The following ARHGAP28 variants were observed in gnomAD, a reference collection of about 807,000 sequenced individuals.
ARHGAP28 encodes the protein rho GTPase-activating protein 28.
Under a neutral mutation model 90.7 loss-of-function variants are expected in ARHGAP28, and 56 were observed. The ratio of observed to expected loss-of-function variants is 0.62; its 90% CI spans 0.50 to 0.77. ARHGAP28 has a LOEUF of 0.77. Among genes scored for constraint, ARHGAP28 ranks in the 30% least tolerant of loss-of-function variants. ARHGAP28 has a pLI of 0.00. For missense variants in ARHGAP28, 869 were observed against 900.9 expected, an observed-to-expected ratio of 0.96 and a Z score of 0.45; for synonymous variants, 308 against 323.3, an observed-to-expected ratio of 0.95 and a Z score of 0.51.
Position 6,729,755 on chromosome 18 carries a change from G to T in ARHGAP28, c.-67G>T. ...GCCGCCCAGCTGCTGACAGCCTCCC[G>T]GCGCGCCGGTCCATGCTGGTCCCGG... is the stretch of plus-strand genomic sequence containing the variant. On this transcript the variant is annotated 5_prime_UTR_variant, in exon 1 of 18. Coordinates refer to ENST00000383472, the MANE Select transcript of ARHGAP28 (RefSeq NM_001366230.1). 1 of 1,290,936 alleles carries T rather than the reference G, an allele frequency of 7.7e-7. No homozygotes were observed. The highest frequency in any genetic ancestry group is 9.8e-7 in the Non-Finnish European group (1 of 1,019,558). 80.0% of individuals were successfully genotyped at this position (1,290,936 alleles called of 1,614,324 possible).
At chr18:6,909,285 CTTTTCTTTTCTTTTCTTTTTT>C (rs2057382221) in intron 17 of ARHGAP28, among the ~76,000 whole-genome samples, 1 of 54,464 alleles carries the variant, frequency 1.8e-5, no homozygotes, top group African/African-American at 5.2e-5. Flanking sequence ...CTTTTCTTTT[CTTTTCTTTTCTTTTCTTTTTT>C]TTTTGAGACA....
chr18:6,829,079 C>T (rs922526313), intron 2 of ARHGAP28, among the ~76,000 whole-genome samples: 3 of 152,214 alleles, frequency 2.0e-5, no homozygotes, highest in Admixed American at 6.5e-5. Flanking sequence ...CCCCACCACA[C>T]ATGTAACGAG....
At position 6,873,455 on chromosome 18, in the gene ARHGAP28, A is replaced by G. The variant is rs1280637248; in HGVS notation, c.1001A>G (p.Asp334Gly). Residue 334 changes from aspartate to glycine, a missense_variant, in exon 8 of 18, where the codon GAT becomes GGT. By Grantham distance (94) the Asp-to-Gly change is moderately conservative. Transcript: ENST00000383472. ...AGATTTGGCTTAACTGAAGCAGGAG[A>G]TCTGTCTGCTGAAGACATGAAGAAA... ...KTRFGLTEAG[D>G]LSAEDMKKIR... 3 of 1,613,620 alleles carry G rather than the reference A, an allele frequency of 1.9e-6. No homozygotes were observed. In the South Asian group the frequency reaches 3.3e-5, roughly 18 times the overall value.
intron 1 of ARHGAP28, among the ~76,000 whole-genome samples, chr18:6,741,248 A>C (rs763521373): frequency 2.6e-5 from 4 of 152,200 alleles, no homozygotes; most frequent in Non-Finnish European, 5.9e-5. Flanking sequence ...TGTTTTGAAA[A>C]ACAGAGGATG....
intron 1 of ARHGAP28, among the ~76,000 whole-genome samples, chr18:6,820,313 A>C (rs2056618114): frequency 6.6e-6 from 1 of 152,224 alleles, no homozygotes; most frequent in Non-Finnish European, 1.5e-5. Flanking sequence ...AGCTGACTGA[A>C]CACAGTAGAA....
chr18:6,850,054 G>C (rs1041568253), intron 3 of ARHGAP28, among the ~76,000 whole-genome samples: 1 of 151,940 alleles, frequency 6.6e-6, no homozygotes, highest in Non-Finnish European at 1.5e-5. Context: ...TATTCTTGTA[G>C]AGACTTAATT....
intron 12 of ARHGAP28, among the ~76,000 whole-genome samples, chr18:6,888,496 G>A (rs2057239226): frequency 6.6e-6 from 1 of 151,974 alleles, no homozygotes; most frequent in Non-Finnish European, 1.5e-5. Flanking sequence ...TATAATATAT[G>A]TCGGTCATAT....
chr18:6,838,824 C>G (rs563155480), intron 3 of ARHGAP28, among the ~76,000 whole-genome samples: 7 of 152,130 alleles, frequency 4.6e-5, no homozygotes, highest in Non-Finnish European at 1.0e-4. Context: ...GTGGGATTGT[C>G]TACAGCTGTA....
rs117997103 is a variant in ARHGAP28, at chr18:6,795,463, T to G, written c.123-29299T>G. 9.8e-5 allele frequency among the ~76,000 whole-genome samples: 15 copies of G among 152,304 alleles called. No individual in the cohort carries two copies. The East Asian group carries it at 2.7e-3, about 28-fold the overall frequency. ...GCTGCAGCCTGGGCCTCACACACAT[T>G]CTTTTGCTCTAGACCAGGGATTGGC... On this transcript the variant is annotated intron_variant, in intron 1 of 17. Coordinates refer to ENST00000383472, the MANE Select transcript of ARHGAP28 (RefSeq NM_001366230.1).
At chr18:6,833,031 G>A (rs1286488235) in intron 2 of ARHGAP28, among the ~76,000 whole-genome samples, 1 of 152,020 alleles carries the variant, frequency 6.6e-6, no homozygotes, top group African/African-American at 2.4e-5. Context: ...ATCTGCATAT[G>A]TTGTACATAC....
chr18:6,816,217 A>G (rs528202139), intron 1 of ARHGAP28, among the ~76,000 whole-genome samples: 2 of 152,198 alleles, frequency 1.3e-5, no homozygotes, highest in Non-Finnish European at 2.9e-5. Flanking sequence ...TGGTCCTGTT[A>G]GTCTGAAACT....
Position 6,912,217 on chromosome 18 carries a change from G to GA in ARHGAP28, c.*69dup, listed in dbSNP as rs1441790712. The GA allele has an allele frequency of 6.9e-5, 67 of 977,434 alleles. No individual in the cohort carries two copies. The highest frequency in any genetic ancestry group is 1.0e-4 in the Non-Finnish European group (65 of 648,380). The allele number at this position is 977,434 out of a possible 1,614,324, so 60.5% of individuals were successfully genotyped here. The stretch of plus-strand genomic sequence containing the variant: ...CAAAAAGATCCTACATTTTGGTAGG[G>GA]AAAAAACAACACTGTGTTTGACGTA... On this transcript the variant is annotated 3_prime_UTR_variant, in exon 18 of 18. Coordinates refer to ENST00000383472, the MANE Select transcript of ARHGAP28 (RefSeq NM_001366230.1).
chr18:6,793,061 T>C (rs1234078272), intron 1 of ARHGAP28, among the ~76,000 whole-genome samples: 1 of 152,242 alleles, frequency 6.6e-6, no homozygotes, highest in Admixed American at 6.5e-5. Context: ...ACTGATTATA[T>C]TGGGTCCAAA....
intron 1 of ARHGAP28, among the ~76,000 whole-genome samples, chr18:6,787,281 GAAAA>G (rs143790742): frequency 5.6e-5 from 6 of 106,858 alleles, no homozygotes; most frequent in Non-Finnish European, 1.0e-4. Flanking sequence ...TTGAGGATAA[GAAAA>G]AAAAAAAACT....
At chr18:6,783,363 G>A (rs547898511) in intron 1 of ARHGAP28, among the ~76,000 whole-genome samples, 122 of 151,078 alleles carry the variant, frequency 8.1e-4, no homozygotes, top group Non-Finnish European at 1.4e-3. Context: ...GTGCAATGGC[G>A]CGATCTCAGC....
chr18:6,879,727 G>T (rs2057162340), intron 10 of ARHGAP28, among the ~76,000 whole-genome samples: 2 of 152,344 alleles, frequency 1.3e-5, no homozygotes, highest in South Asian at 4.1e-4. Context: ...TGGGGGAGGG[G>T]CGAGCAGCCA....
chr18:6,904,671 A>C (rs888395113), intron 16 of ARHGAP28, among the ~76,000 whole-genome samples: 4 of 152,196 alleles, frequency 2.6e-5, no homozygotes, highest in African/African-American at 9.6e-5. Flanking sequence ...AAACAATAAA[A>C]TTGATAAACT....
intron 1 of ARHGAP28, among the ~76,000 whole-genome samples, chr18:6,807,057 A>C (rs2056523997): frequency 6.6e-6 from 1 of 152,152 alleles, no homozygotes; most frequent in Admixed American, 6.5e-5. Flanking sequence ...TAATTCAAAT[A>C]AGTTGATTAC....
At chr18:6,898,396 T>C in intron 16 of ARHGAP28, 1 of 970,782 alleles carries the variant, frequency 1.0e-6, no homozygotes, top group East Asian at 2.4e-5. Flanking sequence ...TATATACACA[T>C]ATACACACAC....
Sources: allele counts gnomAD v4.1 joint callset (sites outside exome capture counted in the v4.1 genomes callset), GRCh38; gene constraint gnomAD v4.1.1; transcripts MANE v1.5; gene names NCBI Gene and HGNC (gene_info 2026-07-23, HGNC 2026-07-21).